The following NFATC1 variants were observed in gnomAD, a reference collection of about 807,000 sequenced individuals.
The protein encoded by NFATC1 is nuclear factor of activated T-cells, cytoplasmic 1.
A neutral mutation model predicts 76.0 loss-of-function variants in NFATC1; 22 were observed. The observed-to-expected ratio is 0.29, with a 90% CI of 0.21 to 0.41. The LOEUF is 0.41. Ranked by LOEUF, NFATC1 falls within the 10% of genes least tolerant of loss-of-function variation. The pLI is 1.00. For missense variants in NFATC1, 1,357 were observed against 1,337.7 expected, an observed-to-expected ratio of 1.01 and a Z score of -0.23; for synonymous variants, 704 against 613.1, an observed-to-expected ratio of 1.15 and a Z score of -2.19.
At chr18:79,462,633 A>G (rs953367749) in intron 7 of NFATC1, among the ~76,000 whole-genome samples, 4 of 152,208 alleles carry the variant, frequency 2.6e-5, no homozygotes, top group Admixed American at 2.6e-4. Context: ...ATACAGTTGG[A>G]TTGATCCCTA....
rs2090689922 is a variant in NFATC1 at position 79,524,244 on chromosome 18, C to T, written c.2783-3284C>T. Reference sequence around the variant, plus strand: ...CCTCAGACCAACCCCAGGATGGGCCCGTTGTCCACCTGTGAAAGGGGAAGC... The same window carrying T: ...CCTCAGACCAACCCCAGGATGGGCCTGTTGTCCACCTGTGAAAGGGGAAGC... On this transcript the variant is annotated intron_variant, in intron 9 of 9. Coordinates refer to ENST00000427363, the MANE Select transcript of NFATC1 (RefSeq NM_001278669.2). This position sits in a 1 kb window ranked among gnomAD's most constrained non-coding sequence, Gnocchi z 7.2. 6.6e-6 allele frequency among the ~76,000 whole-genome samples: 1 copy of T among 152,194 alleles called. No homozygotes were observed. Among genetic ancestry groups the T allele is most frequent in the African/African-American group, 2.4e-5 (1 of 41,462 alleles).
chr18:79,417,081 G>GGA (rs1412882265), intron 2 of NFATC1, among the ~76,000 whole-genome samples: 1 of 152,254 alleles, frequency 6.6e-6, no homozygotes, highest in Non-Finnish European at 1.5e-5. Flanking sequence ...TCCCCAGGAA[G>GGA]CCCTCAGCTG....
At chr18:79,434,822 C>T (rs925882533) in intron 3 of NFATC1, among the ~76,000 whole-genome samples, 7 of 152,286 alleles carry the variant, frequency 4.6e-5, no homozygotes, top group East Asian at 1.9e-4. Context: ...GCGGGCAGGG[C>T]GCTGGGGTGA....
In NFATC1 at chr18:79,529,074, G is replaced by A. The variant is rs185721044; in HGVS notation, c.*1497G>A. 7.9e-5 allele frequency: 12 copies of A among 152,464 alleles called. No homozygotes were observed. The highest frequency in any genetic ancestry group is 1.6e-4 in the Non-Finnish European group (11 of 68,038). 9.4% of individuals were successfully genotyped at this position (152,464 alleles called of 1,614,324 possible). A position where few individuals can be genotyped will look rare whatever the true frequency, so the allele number is the denominator to read the frequency against. On this transcript the variant is annotated 3_prime_UTR_variant, in exon 10 of 10. Coordinates refer to ENST00000427363, the MANE Select transcript of NFATC1 (RefSeq NM_001278669.2). ...AGGAACGGCCTGTACCGTGCGCTCCGGCACAATCGCGTCTCTTGTGTCTCA... is the reference window on the plus strand; with the variant it reads ...AGGAACGGCCTGTACCGTGCGCTCCAGCACAATCGCGTCTCTTGTGTCTCA...
At chr18:79,473,575 T>G (rs1569004629) in intron 8 of NFATC1, among the ~76,000 whole-genome samples, 1 of 146,910 alleles carries the variant, frequency 6.8e-6, no homozygotes. Flanking sequence ...GTTCTCGCGC[T>G]CACTGTCGAC....
intron 3 of NFATC1, among the ~76,000 whole-genome samples, chr18:79,439,442 C>T (rs1222361396): frequency 2.0e-5 from 3 of 152,222 alleles, no homozygotes; most frequent in Non-Finnish European, 4.4e-5. Context: ...CGCCACGGCA[C>T]CGCTGCTGCC....
intron 1 of NFATC1, among the ~76,000 whole-genome samples, chr18:79,399,299 G>C (rs929871882): frequency 7.9e-5 from 12 of 152,358 alleles, no homozygotes; most frequent in African/African-American, 2.4e-4. Context: ...AGAAGCCCGG[G>C]GACGACCCTG....
intron 1 of NFATC1, among the ~76,000 whole-genome samples, chr18:79,407,076 A>G (rs2085468647): frequency 6.6e-6 from 1 of 152,200 alleles, no homozygotes; most frequent in South Asian, 2.1e-4. Flanking sequence ...TGCCTGGCCC[A>G]GAGCCCCCCA....
chr18:79,529,191 T>G lies in NFATC1; in HGVS notation c.*1614T>G, dbSNP rs1601036838. The G allele has an allele frequency of 6.6e-6, 1 of 152,278 alleles. No homozygotes were observed. The highest frequency in any genetic ancestry group is 1.5e-5 in the Non-Finnish European group (1 of 68,058). 9.4% of individuals were successfully genotyped at this position (152,278 alleles called of 1,614,324 possible). Reference sequence around the variant, plus strand: ...GCGTCCCACCTGCGGCTGGGTACCCTGCACCCGGCACTGTAGGAGTCACGT... The same window carrying G: ...GCGTCCCACCTGCGGCTGGGTACCCGGCACCCGGCACTGTAGGAGTCACGT... On this transcript the variant is annotated 3_prime_UTR_variant, in exon 10 of 10. Transcript: ENST00000427363.
chr18:79,495,769 G>C (rs190143163), intron 9 of NFATC1, among the ~76,000 whole-genome samples: 2 of 152,248 alleles, frequency 1.3e-5, no homozygotes, highest in Non-Finnish European at 2.9e-5. Context: ...TAAGGCGTTC[G>C]CGAGTCATTG....
At chr18:79,426,035 G>C (rs1031464252) in intron 2 of NFATC1, among the ~76,000 whole-genome samples, 1 of 151,952 alleles carries the variant, frequency 6.6e-6, no homozygotes. Flanking sequence ...AACATGGAGA[G>C]ACCCCATCTC....
At chr18:79,509,661 T>C (rs1248474165) in intron 9 of NFATC1, among the ~76,000 whole-genome samples, 2 of 152,270 alleles carry the variant, frequency 1.3e-5, no homozygotes, top group Non-Finnish European at 2.9e-5. Context: ...GATCTGGACC[T>C]GCTAAAGTTA....
chr18:79,467,461 G>C lies in NFATC1; in HGVS notation c.1971G>C (p.Val657=). The part of the protein sequence containing the change: ...DRDLCKPNSL[V]VEIPPFRNQR... ...CCCTTCTCCTGTAGAATTCTCTGGT[G>C]GTTGAGATCCCGCCATTTCGGAATC... The change falls in exon 8 of 10, where the codon GTG becomes GTC. Residue 657 remains valine (V), a synonymous_variant. Coordinates refer to ENST00000427363, the MANE Select transcript of NFATC1 (RefSeq NM_001278669.2). 6.2e-7 allele frequency: 1 copy of C among 1,603,914 alleles called. No homozygotes were observed. The highest frequency in any genetic ancestry group is 8.5e-7 in the Non-Finnish European group (1 of 1,173,024).
chr18:79,436,506 C>G (rs1375526584), intron 3 of NFATC1, among the ~76,000 whole-genome samples: 1 of 150,738 alleles, frequency 6.6e-6, no homozygotes, highest in African/African-American at 2.4e-5. Context: ...GCTGTGCCCC[C>G]GCGCCCGGTA....
In NFATC1 at chr18:79,424,839, GTC is replaced by G. The variant is rs1334823578; in HGVS notation, c.1227-8736_1227-8735del. On this transcript the variant is annotated intron_variant, in intron 2 of 9. Coordinates refer to ENST00000427363, the MANE Select transcript of NFATC1 (RefSeq NM_001278669.2). ...TGTCTCTCTGTCTCTCTCCATCTCTGTCTCTGTTTCTCTGTCTCTCTCTGTCT... is the reference window on the plus strand; with the variant it reads ...TGTCTCTCTGTCTCTCTCCATCTCTGTCTGTTTCTCTGTCTCTCTCTGTCT... Among the ~76,000 whole-genome samples, 4 of 110,808 alleles carry G rather than the reference GTC, an allele frequency of 3.6e-5. No individual in the cohort carries two copies. The East Asian group carries it at 7.1e-4, about 20-fold the overall frequency. 72.7% of individuals were successfully genotyped at this position (110,808 alleles called of 152,430 possible). A position where few individuals can be genotyped will look rare whatever the true frequency, so the allele number is the denominator to read the frequency against.
At chr18:79,509,647 A>AT (rs2090198112) in intron 9 of NFATC1, among the ~76,000 whole-genome samples, 1 of 152,362 alleles carries the variant, frequency 6.6e-6, no homozygotes, top group African/African-American at 2.4e-5. Flanking sequence ...AGTGATCTCC[A>AT]TTAGATCTGG....
At chr18:79,409,959 TTAAA>T (rs1354776911) in intron 1 of NFATC1, 2 of 512,688 alleles carry the variant, frequency 3.9e-6, no homozygotes, top group African/African-American at 3.8e-5. Flanking sequence ...AGTTTGGGGT[TTAAA>T]TGAAGATGGG....
At chr18:79,443,792 C>T (rs1288132439) in intron 3 of NFATC1, among the ~76,000 whole-genome samples, 1 of 152,240 alleles carries the variant, frequency 6.6e-6, no homozygotes, top group Admixed American at 6.5e-5. Flanking sequence ...GCACAAGGCC[C>T]CTTCCCCAGG....
At chr18:79,462,073 G>A (rs563274504) in intron 7 of NFATC1, among the ~76,000 whole-genome samples, 60 of 152,282 alleles carry the variant, frequency 3.9e-4, no homozygotes, top group African/African-American at 1.3e-3. Flanking sequence ...CTGGCACCGC[G>A]TGCATACAGC....
Sources: allele counts gnomAD v4.1 joint callset (sites outside exome capture counted in the v4.1 genomes callset), GRCh38; gene constraint gnomAD v4.1.1; non-coding constraint Gnocchi (gnomAD v3.1); transcripts MANE v1.5; gene names NCBI Gene and HGNC (gene_info 2026-07-23, HGNC 2026-07-21).